Variants in ANKS1A observed in about 807,000 individuals in gnomAD.
The protein encoded by ANKS1A is ankyrin repeat and sterile alpha motif domain containing 1A.
ANKS1A carries 55 observed loss-of-function variants against 120.3 expected under a neutral mutation model. The observed-to-expected ratio is 0.46, with a 90% CI of 0.37 to 0.57. The LOEUF is 0.57. Ranked by LOEUF, ANKS1A falls within the 20% of genes least tolerant of loss-of-function variation. ANKS1A has a pLI of 0.00. For missense variants in ANKS1A, 1,123 were observed against 1,480.3 expected, an observed-to-expected ratio of 0.76 and a Z score of 3.96; for synonymous variants, 590 against 604.7, an observed-to-expected ratio of 0.98 and a Z score of 0.36.
At chr6:34,945,990 T>TC (rs1769773590) in intron 1 of ANKS1A, among the ~76,000 whole-genome samples, 1 of 149,388 alleles carries the variant, frequency 6.7e-6, no homozygotes, top group East Asian at 2.0e-4. Context: ...TTTATTTTTT[T>TC]TTTTTTTTGA....
At chr6:34,989,093 C>A in intron 8 of ANKS1A, 131 bp from the exon 9 acceptor site, 4 of 697,458 alleles carry the variant, frequency 5.7e-6, no homozygotes, top group Non-Finnish European at 9.4e-6. Context: ...GAGACGAAAC[C>A]TTGACTTTAG....
chr6:35,088,780 A>G lies in ANKS1A; in HGVS notation c.*171A>G, dbSNP rs1045840533. 2.5e-5 allele frequency: 38 copies of G among 1,535,706 alleles called. No individual in the cohort carries two copies. Among genetic ancestry groups the G allele is most frequent in the Non-Finnish European group, 2.9e-5 (33 of 1,143,592 alleles). On this transcript the variant is annotated 3_prime_UTR_variant, in exon 24 of 24. Transcript: ENST00000360359. ...GGCCTGCCACCACCACGTCCTGCAG[A>G]ACGAGCCCTGCCTTGGCTGTGGAGA...
In ANKS1A at chr6:35,058,875, T is replaced by C. The variant is rs968049364; in HGVS notation, c.2078-1272T>C. Among the ~76,000 whole-genome samples the C allele has an allele frequency of 1.4e-4, 21 of 152,178 alleles. No individual in the cohort carries two copies. The highest frequency in any genetic ancestry group is 2.9e-4 in the Non-Finnish European group (20 of 68,028). ...CCTCCCTGCACCACCAAAATCCCCA[T>C]GCTGATCGAGGAGCAAATAGATGTC... On this transcript the variant is annotated intron_variant, in intron 12 of 23. Coordinates refer to ENST00000360359, the MANE Select transcript of ANKS1A (RefSeq NM_015245.3). The surrounding 1 kb of genome is among the most constrained non-coding windows in gnomAD (Gnocchi z 5.1).
At chr6:34,934,820 A>C (rs1169150832) in intron 1 of ANKS1A, among the ~76,000 whole-genome samples, 1 of 149,796 alleles carries the variant, frequency 6.7e-6, no homozygotes, top group Non-Finnish European at 1.5e-5. Flanking sequence ...CTCTCTTTTC[A>C]CCTCCCACCC....
chr6:34,940,945 TAAAAA>T (rs994444299), intron 1 of ANKS1A, among the ~76,000 whole-genome samples: 1 of 151,862 alleles, frequency 6.6e-6, no homozygotes, highest in African/African-American at 2.4e-5. Flanking sequence ...ATCCTCATGA[TAAAAA>T]AGTCAAACAA....
intron 13 of ANKS1A, among the ~76,000 whole-genome samples, chr6:35,061,004 C>T (rs1776467896): frequency 6.6e-6 from 1 of 152,330 alleles, no homozygotes; most frequent in African/African-American, 2.4e-5. Context: ...CAGGAGCAGG[C>T]ATTTGAGCCA....
Position 35,079,680 on chromosome 6 carries a change from C to G in ANKS1A, c.2436+12C>G, listed in dbSNP as rs200396527. The G allele has an allele frequency of 2.3e-5, 37 of 1,614,080 alleles. No individual in the cohort carries two copies. In the African/African-American group the frequency reaches 3.7e-4, roughly 16 times the overall value. On this transcript the variant is annotated intron_variant, in intron 15 of 23. Transcript: ENST00000360359. Reference sequence around the variant, plus strand: ...TAGAGCTCGTCAATGTGAGTAGTCCCTGCGTGGCCCGGCCTGGACTCTCCA... The same window carrying G: ...TAGAGCTCGTCAATGTGAGTAGTCCGTGCGTGGCCCGGCCTGGACTCTCCA...
chr6:35,087,511 C>T (rs1346088327), intron 23 of ANKS1A, among the ~76,000 whole-genome samples: 1 of 152,222 alleles, frequency 6.6e-6, no homozygotes, highest in Non-Finnish European at 1.5e-5. Flanking sequence ...TTGCCAAGAG[C>T]TAGCTGACTG....
At chr6:34,898,865 G>T (rs1581662428) in intron 1 of ANKS1A, among the ~76,000 whole-genome samples, 2 of 152,110 alleles carry the variant, frequency 1.3e-5, no homozygotes, top group Non-Finnish European at 2.9e-5. Flanking sequence ...TGGTATATAT[G>T]AATTGTAATT....
At chr6:34,991,645 C>CACACATATATAT (rs1211341394) in intron 9 of ANKS1A, among the ~76,000 whole-genome samples, 5 of 139,028 alleles carry the variant, frequency 3.6e-5, no homozygotes, top group African/African-American at 1.3e-4. Flanking sequence ...CATATATACA[C>CACACATATATAT]ACACATATAT....
chr6:34,910,758 G>C (rs1044456118), intron 1 of ANKS1A, among the ~76,000 whole-genome samples: 31 of 151,618 alleles, frequency 2.0e-4, no homozygotes, highest in African/African-American at 7.5e-4. Context: ...CTATGCAGGT[G>C]GCTGAAACAG....
chr6:34,950,526 G>A (rs1263171281), intron 1 of ANKS1A, among the ~76,000 whole-genome samples: 1 of 152,076 alleles, frequency 6.6e-6, no homozygotes, highest in Non-Finnish European at 1.5e-5. Flanking sequence ...ACCGCGCCCG[G>A]CCAGGAAGAC....
chr6:34,904,450 T>C (rs1767533666), intron 1 of ANKS1A, among the ~76,000 whole-genome samples: 1 of 152,084 alleles, frequency 6.6e-6, no homozygotes, highest in Non-Finnish European at 1.5e-5. Flanking sequence ...AAAAAAATTA[T>C]GGGCTGGGCT....
At chr6:34,987,189 G>A (rs1772258250) in intron 8 of ANKS1A, among the ~76,000 whole-genome samples, 2 of 152,088 alleles carry the variant, frequency 1.3e-5, no homozygotes, top group Non-Finnish European at 2.9e-5. Context: ...TTACCTCTTG[G>A]TAAACACAAT....
chr6:35,043,231 G>T (rs1775554504), intron 11 of ANKS1A, among the ~76,000 whole-genome samples: 1 of 152,250 alleles, frequency 6.6e-6, no homozygotes, highest in Non-Finnish European at 1.5e-5. Flanking sequence ...TGACTTGCGT[G>T]AGGTAACCTG....
chr6:35,013,352 T>C (rs1419381777), intron 10 of ANKS1A, among the ~76,000 whole-genome samples: 1 of 152,158 alleles, frequency 6.6e-6, no homozygotes, highest in African/African-American at 2.4e-5. Flanking sequence ...TGGAGTGCAG[T>C]GGCATGATCA....
rs560372475 is a variant in ANKS1A, at chr6:35,010,836, C to T, written c.1424-6637C>T. ...ATTAAAAAAGTTTGATCTGTCTTCT[C>T]GGGAAATTGGTGTGATTGTCCTCCA... On this transcript the variant is annotated intron_variant, in intron 10 of 23. Coordinates refer to ENST00000360359, the MANE Select transcript of ANKS1A (RefSeq NM_015245.3). Among the ~76,000 whole-genome samples, 77 of 152,138 alleles carry T rather than the reference C, an allele frequency of 5.1e-4. No individual in the cohort carries two copies. The Middle Eastern group carries it at 0.01, about 20-fold the overall frequency.
intron 10 of ANKS1A, among the ~76,000 whole-genome samples, chr6:35,015,414 G>A (rs1458634416): frequency 7.9e-5 from 12 of 152,134 alleles, no homozygotes; most frequent in Admixed American, 4.6e-4. Flanking sequence ...TGGGAGAATC[G>A]CTTGAACCCA....
rs1778206423 is a variant in ANKS1A at position 35,089,847 on chromosome 6, C to A, written c.*1238C>A. On this transcript the variant is annotated 3_prime_UTR_variant, in exon 24 of 24. Transcript: ENST00000360359. ...AGTTGGCTCAGCTGTGTGCCCAGTT[C>A]CTCCTGTGGGCACTTTAGCAGGCTC... The A allele has an allele frequency of 2.8e-6, 3 of 1,061,008 alleles. No individual in the cohort carries two copies. The South Asian group carries it at 9.3e-5, about 33-fold the overall frequency. 65.7% of individuals were successfully genotyped at this position (1,061,008 alleles called of 1,614,324 possible).
Sources: gnomAD v4.1 joint callset for allele counts (sites outside exome capture counted in the v4.1 genomes callset) on GRCh38, gnomAD v4.1.1 for gene constraint, Gnocchi (gnomAD v3.1) non-coding constraint, MANE v1.5 for transcripts, NCBI Gene and HGNC (gene_info 2026-07-23, HGNC 2026-07-21) for gene names.